TMEM235: variants seen among roughly 807,000 people sequenced by gnomAD.
The protein encoded by TMEM235 is transmembrane protein 235.
A neutral mutation model predicts 22.9 loss-of-function variants in TMEM235; 23 were observed. The ratio of observed to expected loss-of-function variants is 1.00; its 90% CI spans 0.72 to 1.42. TMEM235 has a LOEUF of 1.42. TMEM235 is among the 40% of genes most tolerant of loss of function. The pLI is 0.00. For synonymous variants in TMEM235, 137 were observed against 140.5 expected (o/e 0.98, Z 0.17); for missense variants, 308 against 299.5 (o/e 1.03, Z -0.21).
exon 2 of TMEM235, chr17:78,232,001 G>T: frequency 9.8e-7 from 1 of 1,017,196 alleles, no homozygotes; most frequent in East Asian, 5.1e-5. Context: ...CCCCCGACCC[G>T]TCCCCTCCCG....
chr17:78,239,776 A>C lies in TMEM235; in HGVS notation c.660-4A>C, dbSNP rs1223492624. 1 of 1,540,308 alleles carries C rather than the reference A, an allele frequency of 6.5e-7. No homozygotes were observed. Among genetic ancestry groups the C allele is most frequent in the Admixed American group, 2.0e-5 (1 of 50,734 alleles). On this transcript the variant is annotated splice_region_variant and splice_polypyrimidine_tract_variant and intron_variant, in intron 5 of 5. Transcript: ENST00000421688. ...TCAATGACTACCCTTTATCCATTTT[A>C]CAGAGGGGGAGACTGAGGCCCAGAG...
At chr17:78,234,003 A>G (rs1221098661) in intron 3 of TMEM235, 28 bp downstream of exon 2, 1 of 1,491,090 alleles carries the variant, frequency 6.7e-7, no homozygotes, top group Non-Finnish European at 8.9e-7. Flanking sequence ...CCACCTCCCC[A>G]TCCTTTCCAA....
rs374720053 is a variant in TMEM235, at chr17:78,239,478, G to A, written c.659+205G>A. ...ATATTTGGGGAGGCTCCCCTGCCCC[G>A]GCAGGCTTGTTAGGGACTAATTGGT... On this transcript the variant is annotated intron_variant, in intron 5 of 5. Coordinates refer to ENST00000421688, the Ensembl canonical transcript of TMEM235. Among the ~76,000 whole-genome samples the A allele has an allele frequency of 1.8e-4, 28 of 152,266 alleles. 2 individuals carry two copies. Among genetic ancestry groups the A allele is most frequent in the Non-Finnish European group, 2.6e-4 (18 of 68,024 alleles).
Position 78,239,735 on chromosome 17 carries a change from C to A in TMEM235, c.660-45C>A, listed in dbSNP as rs1410524362. On this transcript the variant is annotated intron_variant, in intron 5 of 5. Transcript: ENST00000421688. ...ACTGGGCTCCATGCTCCTCTCCAGC[C>A]CCGCAATGGCCCTACTCAATGACTA... The A allele has an allele frequency of 2.0e-6, 3 of 1,512,966 alleles. No homozygotes were observed. In the Admixed American group the frequency reaches 6.2e-5, roughly 31 times the overall value. The allele number at this position is 1,512,966 out of a possible 1,614,324, so 93.7% of individuals were successfully genotyped here.
At chr17:78,231,666 G>A in exon 2 of TMEM235, 1 of 1,296,718 alleles carries the variant, frequency 7.7e-7, no homozygotes, top group Non-Finnish European at 1.0e-6. Flanking sequence ...GGTGCATCTT[G>A]TTTGGCTGCT....
chr17:78,240,906 TTTTA>T (rs1250171703), exon 6 of TMEM235: 6 of 152,246 alleles, frequency 3.9e-5, no homozygotes, highest in African/African-American at 1.4e-4. Context: ...AGTATAAGCC[TTTTA>T]TTTTTCTTAG....
intron 2 of TMEM235, 72 bp downstream of exon 1, chr17:78,232,285 G>A: frequency 7.5e-7 from 1 of 1,329,226 alleles, no homozygotes; most frequent in Non-Finnish European, 9.7e-7. Flanking sequence ...ACCCCGCCCT[G>A]CTCGTGTTGC....
chr17:78,236,428 C>T (rs997509468), intron 4 of TMEM235, among the ~76,000 whole-genome samples: 4 of 152,222 alleles, frequency 2.6e-5, no homozygotes, highest in African/African-American at 9.6e-5. Context: ...CATCCACTGA[C>T]GCGGCTCCAG....
chr17:78,232,355 T>C, intron 2 of TMEM235, 142 bp downstream of exon 1: 1 of 790,930 alleles, frequency 1.3e-6, no homozygotes, highest in Non-Finnish European at 1.8e-6. Flanking sequence ...AGGGTGTCTC[T>C]CCGCTCCCTC....
intron 4 of TMEM235, among the ~76,000 whole-genome samples, chr17:78,235,110 C>T (rs2076628415): frequency 6.6e-6 from 1 of 152,096 alleles, no homozygotes; most frequent in Non-Finnish European, 1.5e-5. Flanking sequence ...CAAAAATTAG[C>T]TGGGCTTATA....
rs538399707 is a variant in TMEM235 at position 78,238,203 on chromosome 17, C to T, written c.410-821C>T. On this transcript the variant is annotated intron_variant, in intron 4 of 5. Coordinates refer to ENST00000421688, the Ensembl canonical transcript of TMEM235. This position sits in a 1 kb window ranked among gnomAD's most constrained non-coding sequence, Gnocchi z 4.3. ...AGGAAAATGCCCTGGAGGCATGGGC[C>T]GAGTCCCCTACCTAGCTCGTTGCTG... Among the ~76,000 whole-genome samples, 2 of 152,350 alleles carry T rather than the reference C, an allele frequency of 1.3e-5. No homozygotes were observed. The highest frequency in any genetic ancestry group is 2.4e-5 in the African/African-American group (1 of 41,576).
chr17:78,234,555 C>T, intron 3 of TMEM235, 38 bp from the exon 3 acceptor site: 3 of 1,534,380 alleles, frequency 2.0e-6, no homozygotes, highest in Non-Finnish European at 2.6e-6. Context: ...AAGGGCCCAC[C>T]TGGACCAGAA....
At chr17:78,232,025 T>A (rs1025207372) in exon 2 of TMEM235, 140 of 1,074,782 alleles carry the variant, frequency 1.3e-4, no homozygotes, top group Non-Finnish European at 1.5e-4. Context: ...GCCGCCCCCA[T>A]GGCCCGGCTG....
At position 78,238,550 on chromosome 17, in the gene TMEM235, CTGTGTGTGTGTGTGTGTGTGTG is replaced by C. The variant is rs55893266; in HGVS notation, c.410-459_410-438del. On this transcript the variant is annotated intron_variant, in intron 4 of 5. Coordinates refer to ENST00000421688, the Ensembl canonical transcript of TMEM235. The surrounding 1 kb of genome is among the most constrained non-coding windows in gnomAD (Gnocchi z 4.3). ...GCTGCTGCCAGCAGAGGCCATGGCT[CTGTGTGTGTGTGTGTGTGTGTG>C]TGTGTGTGTGTGTGAATGTGTGCAA... 3.6e-5 allele frequency among the ~76,000 whole-genome samples: 5 copies of C among 138,230 alleles called. No homozygotes were observed. Among genetic ancestry groups the C allele is most frequent in the African/African-American group, 8.1e-5 (3 of 37,060 alleles). The allele number at this position is 138,230 out of a possible 152,430, so 90.7% of individuals were successfully genotyped here.
At chr17:78,232,177 C>T (rs866481635) in exon 2 of TMEM235, 18 of 1,493,764 alleles carry the variant, frequency 1.2e-5, no homozygotes, top group Middle Eastern at 3.6e-4. Flanking sequence ...CGCAGAGCTG[C>T]TCTCCTCGCA....
intron 2 of TMEM235, among the ~76,000 whole-genome samples, chr17:78,233,691 A>G (rs1379688224): frequency 6.8e-6 from 1 of 147,454 alleles, no homozygotes; most frequent in Admixed American, 6.7e-5. Flanking sequence ...GCGAGACTCC[A>G]TCTCAAAAAA....
intron 4 of TMEM235, among the ~76,000 whole-genome samples, chr17:78,236,423 A>G (rs947305234): frequency 4.6e-5 from 7 of 152,156 alleles, no homozygotes; most frequent in African/African-American, 1.7e-4. Flanking sequence ...CCACCCATCC[A>G]CTGACGCGGC....
Position 78,234,365 on chromosome 17 carries a change from G to A in TMEM235, c.272-228G>A, listed in dbSNP as rs1202507438. 2.0e-5 allele frequency: 15 copies of A among 735,002 alleles called. No individual in the cohort carries two copies. In the East Asian group the frequency reaches 2.7e-4, roughly 13 times the overall value. 45.5% of individuals were successfully genotyped at this position (735,002 alleles called of 1,614,324 possible). On this transcript the variant is annotated intron_variant, in intron 3 of 5. Transcript: ENST00000421688. ...ACCTGGCGGGTTGGGGGACATGTGA[G>A]GCCTGGGGATGGGGGCTGGGAGTGT...
rs2076619752 is a variant in TMEM235 at position 78,234,424 on chromosome 17, C to T, written c.272-169C>T. ...CGCCTCCCCTCCTGGCCTTAGGAAGCCCCTGCCAGAGTCAGAGGGGGCCAC... is the reference window on the plus strand; with the variant it reads ...CGCCTCCCCTCCTGGCCTTAGGAAGTCCCTGCCAGAGTCAGAGGGGGCCAC... On this transcript the variant is annotated intron_variant, in intron 3 of 5. Transcript: ENST00000421688. The T allele has an allele frequency of 7.8e-6, 8 of 1,026,292 alleles. No homozygotes were observed. In the South Asian group the frequency reaches 9.6e-5, roughly 12 times the overall value. 63.6% of individuals were successfully genotyped at this position (1,026,292 alleles called of 1,614,324 possible). A position where few individuals can be genotyped will look rare whatever the true frequency, so the allele number is the denominator to read the frequency against.
Sources: gnomAD v4.1 joint callset for allele counts (sites outside exome capture counted in the v4.1 genomes callset) on GRCh38, gnomAD v4.1.1 for gene constraint, Gnocchi (gnomAD v3.1) non-coding constraint, MANE v1.5 for transcripts, NCBI Gene and HGNC (gene_info 2026-07-23, HGNC 2026-07-21) for gene names.